The following RABGGTB variants were observed in gnomAD, a reference collection of about 807,000 sequenced individuals.
The protein encoded by RABGGTB is Rab geranylgeranyltransferase subunit beta.
RABGGTB carries 20 observed loss-of-function variants against 44.5 expected under a neutral mutation model. That is an observed-to-expected ratio of 0.45 (90% confidence interval 0.32 to 0.65). RABGGTB has a LOEUF of 0.65. Among genes scored for constraint, RABGGTB ranks in the 30% least tolerant of loss-of-function variants. The probability of loss-of-function intolerance (pLI) is 0.05; values close to 1 mark genes in which losing one functional copy is unlikely to be tolerated. For missense variants in RABGGTB, 302 were observed against 398.7 expected, an observed-to-expected ratio of 0.76 and a Z score of 2.06; for synonymous variants, 128 against 136.7, an observed-to-expected ratio of 0.94 and a Z score of 0.44.
intron 2 of RABGGTB, chr1:75,787,878 A>T (rs778965079): frequency 4.6e-6 from 3 of 649,190 alleles, no homozygotes; most frequent in Non-Finnish European, 8.7e-6. Flanking sequence ...AGTTAGGGGT[A>T]ATACTTTCAA....
chr1:75,789,046 G>A lies in RABGGTB; in HGVS notation c.112-113G>A, dbSNP rs1010750798. On this transcript the variant is annotated intron_variant, in intron 2 of 8. Coordinates refer to ENST00000319942, the MANE Select transcript of RABGGTB (RefSeq NM_004582.4). The stretch of plus-strand genomic sequence containing the variant: ...ACTCACTACTGATCAGTGCTGTTAA[G>A]GTCAGGAGAGGTAAAAATAGCAGCA... 6.7e-5 allele frequency: 61 copies of A among 903,830 alleles called. No individual in the cohort carries two copies. The African/African-American group carries it at 9.7e-4, about 14-fold the overall frequency. The allele number at this position is 903,830 out of a possible 1,614,324, so 56.0% of individuals were successfully genotyped here.
chr1:75,790,825 C>T (rs979485432), intron 4 of RABGGTB, among the ~76,000 whole-genome samples: 17 of 152,140 alleles, frequency 1.1e-4, no homozygotes, highest in African/African-American at 3.9e-4. Context: ...ATGTGCACCA[C>T]AACACCTGGC....
intron 7 of RABGGTB, among the ~76,000 whole-genome samples, 174 bp downstream of exon 7, chr1:75,792,480 C>T (rs536426158): frequency 1.3e-5 from 2 of 152,248 alleles, no homozygotes; most frequent in South Asian, 4.1e-4. Flanking sequence ...AAGTAGACCC[C>T]CATGAGTTGA....
intron 3 of RABGGTB, 163 bp from the exon 4 acceptor site, chr1:75,789,789 A>G (rs970303570): frequency 1.7e-6 from 1 of 602,986 alleles, no homozygotes. Context: ...AGTTTTCTTG[A>G]TACTATCTAA....
At chr1:75,794,400 T>G in intron 8 of RABGGTB, 110 bp from the exon 9 acceptor site, 1 of 1,321,120 alleles carries the variant, frequency 7.6e-7, no homozygotes, top group Non-Finnish European at 1.0e-6. Flanking sequence ...CAGAAATTTC[T>G]TGTCGCTTGT....
chr1:75,790,243 C>T, intron 4 of RABGGTB, 186 bp downstream of exon 4: 1 of 1,308,298 alleles, frequency 7.6e-7, no homozygotes, highest in Non-Finnish European at 9.7e-7. Flanking sequence ...TACAGGAGCA[C>T]TGGAACAGAG....
chr1:75,786,268 A>G lies in RABGGTB; in HGVS notation c.-4A>G, dbSNP rs1156834246. ...GACCCTGCTCTCTCCTTTCCCTGTTAGACATGGTAAGTGTGAGTTTAGCGC... is the reference window on the plus strand; with the variant it reads ...GACCCTGCTCTCTCCTTTCCCTGTTGGACATGGTAAGTGTGAGTTTAGCGC... On this transcript the variant is annotated 5_prime_UTR_variant, in exon 1 of 9. Coordinates refer to ENST00000319942, the MANE Select transcript of RABGGTB (RefSeq NM_004582.4). 1.2e-6 allele frequency: 2 copies of G among 1,614,040 alleles called. No individual in the cohort carries two copies. The highest frequency in any genetic ancestry group is 1.7e-5 in the Admixed American group (1 of 60,010).
intron 3 of RABGGTB, chr1:75,789,732 A>T (rs1234469095): frequency 1.8e-6 from 1 of 568,738 alleles, no homozygotes; most frequent in African/African-American, 1.9e-5. Context: ...GTATCTTGGA[A>T]TGCCAAGTTA....
intron 2 of RABGGTB, chr1:75,788,529 G>A (rs537151196): frequency 1.9e-5 from 3 of 153,946 alleles, no homozygotes; most frequent in Admixed American, 1.9e-4. Flanking sequence ...GACCTCAAGT[G>A]ATCTGCCTGC....
intron 2 of RABGGTB, chr1:75,788,909 T>C: frequency 2.0e-6 from 1 of 500,358 alleles, no homozygotes; most frequent in Admixed American, 3.7e-5. Flanking sequence ...TAAAGCACTG[T>C]TTGTATTGTC....
intron 3 of RABGGTB, 136 bp downstream of exon 3, chr1:75,789,492 G>A (rs1394482741): frequency 4.4e-6 from 4 of 904,078 alleles, no homozygotes; most frequent in South Asian, 3.9e-5. Context: ...ATGATGTAAT[G>A]GCATGTATTA....
chr1:75,789,673 T>C (rs111551253), intron 3 of RABGGTB: 3 of 582,278 alleles, frequency 5.2e-6, no homozygotes, highest in African/African-American at 3.7e-5. Context: ...TACTGGGTGC[T>C]GAGATGGGAA....
At chr1:75,787,888 A>G in intron 2 of RABGGTB, 1 of 633,356 alleles carries the variant, frequency 1.6e-6, no homozygotes, top group African/African-American at 1.8e-5. Context: ...AATACTTTCA[A>G]GGTCAATGAT....
Position 75,787,010 on chromosome 1 carries a change from A to G in RABGGTB, c.4-487A>G. The stretch of plus-strand genomic sequence containing the variant: ...TAAGCTTTGATATTCTATGGTGTTT[A>G]TTTTTTACTTATCTTTTTGAATGAA... On this transcript the variant is annotated intron_variant, in intron 1 of 8. Transcript: ENST00000319942. The G allele has an allele frequency of 6.1e-6, 3 of 494,180 alleles. No homozygotes were observed. The Admixed American group carries it at 6.3e-5, about 10-fold the overall frequency. The allele number at this position is 494,180 out of a possible 1,614,324, so 30.6% of individuals were successfully genotyped here.
intron 1 of RABGGTB, chr1:75,786,902 G>C: frequency 3.0e-6 from 1 of 332,966 alleles, no homozygotes; most frequent in Non-Finnish European, 5.8e-6. Context: ...GCAAGAATTC[G>C]CTTGCAAGTT....
chr1:75,794,260 A>C, intron 8 of RABGGTB, 27 bp downstream of exon 8: 1 of 1,576,758 alleles, frequency 6.3e-7, no homozygotes, highest in East Asian at 2.3e-5. Flanking sequence ...ACATATTTCT[A>C]TAAATTATTT....
At chr1:75,792,810 C>A (rs1325500557) in intron 7 of RABGGTB, among the ~76,000 whole-genome samples, 1 of 152,114 alleles carries the variant, frequency 6.6e-6, no homozygotes, top group African/African-American at 2.4e-5. Flanking sequence ...GTTCCAATTA[C>A]AATTATTATG....
At chr1:75,786,296 C>A in intron 1 of RABGGTB, 22 bp downstream of exon 1, 1 of 1,614,140 alleles carries the variant, frequency 6.2e-7, no homozygotes, top group Admixed American at 1.7e-5. Flanking sequence ...TTTAGCGCTG[C>A]TGTCCGGATG....
Position 75,794,171 on chromosome 1 carries a change from A to T in RABGGTB, c.793A>T (p.Asn265Tyr). Reference sequence around the variant, plus strand: ...TTGGATTGATAGAGAGAAACTGCGTAATTTCATTTTAGCATGTCAAGATGA... The same window carrying T: ...TTGGATTGATAGAGAGAAACTGCGTTATTTCATTTTAGCATGTCAAGATGA... ...LHWIDREKLR[N>Y]FILACQDEET... Residue 265 changes from asparagine (N) to tyrosine (Y), a missense_variant, in exon 8 of 9, where the codon AAT becomes TAT. Transcript: ENST00000319942. The T allele has an allele frequency of 2.5e-6, 4 of 1,613,842 alleles. No homozygotes were observed. Among genetic ancestry groups the T allele is most frequent in the Non-Finnish European group, 3.4e-6 (4 of 1,179,776 alleles).
Sources: gnomAD v4.1 joint callset for allele counts (sites outside exome capture counted in the v4.1 genomes callset) on GRCh38, gnomAD v4.1.1 for gene constraint, MANE v1.5 for transcripts, NCBI Gene and HGNC (gene_info 2026-07-23, HGNC 2026-07-21) for gene names.